Variants in WDR41 observed in about 807,000 individuals in gnomAD.
WDR41 encodes WD repeat-containing protein 41.
A neutral mutation model predicts 69.3 loss-of-function variants in WDR41; 63 were observed. The ratio of observed to expected loss-of-function variants is 0.91; its 90% CI spans 0.74 to 1.12. The LOEUF (loss-of-function observed/expected upper bound fraction) is 1.12, where lower values mean the gene tolerates loss of function less well. Among genes scored for constraint, WDR41 ranks in the 50% most tolerant of loss-of-function variants. The pLI is 0.00. For synonymous variants in WDR41, 185 were observed against 192.1 expected (o/e 0.96, Z 0.31); for missense variants, 543 against 534.5 (o/e 1.02, Z -0.16).
At chr5:77,532,017 G>C (rs1156537288) in intron 1 of WDR41, among the ~76,000 whole-genome samples, 1 of 151,968 alleles carries the variant, frequency 6.6e-6, no homozygotes, top group Non-Finnish European at 1.5e-5. Context: ...AAACATTTTA[G>C]AACTAGATAG....
chr5:77,539,822 T>G (rs17603636), intron 1 of WDR41, among the ~76,000 whole-genome samples: 15,692 of 152,196 alleles, frequency 0.1, 1,096 homozygotes, highest in South Asian at 0.25. Flanking sequence ...GATAGAAGGA[T>G]AATCACATAA....
chr5:77,482,103 T>A (rs1216010077), intron 2 of WDR41, among the ~76,000 whole-genome samples: 1 of 152,206 alleles, frequency 6.6e-6, no homozygotes, highest in Non-Finnish European at 1.5e-5. Context: ...AGAAGGGCAT[T>A]ATAATAAAAA....
At chr5:77,448,453 T>C (rs80192297) in intron 8 of WDR41, among the ~76,000 whole-genome samples, 5,557 of 152,212 alleles carry the variant, frequency 0.037, 116 homozygotes, top group Middle Eastern at 0.095. Flanking sequence ...ATTTTGGAGC[T>C]GGGAGGGACA....
rs771470166 is a variant in WDR41 at position 77,437,403 on chromosome 5, T to A, written c.1026A>T (p.Glu342Asp). The A allele has an allele frequency of 1.9e-6, 3 of 1,613,968 alleles. No homozygotes were observed. Among genetic ancestry groups the A allele is most frequent in the Non-Finnish European group, 2.5e-6 (3 of 1,179,914 alleles). The change falls in exon 11 of 13, where the codon GAA (glutamate) becomes GAT (aspartate). Residue 342 changes from glutamate (E) to aspartate (D), a missense_variant. By Grantham distance (45) the Glu-to-Asp change is conservative. Transcript: ENST00000296679. ...LPNRQLISCS[E>D]DGSVRIWELR... is the part of the protein sequence containing the mutation. ...ACTCCCAAATGCGTACACTGCCATC[T>A]TCTGAGCATGAGATTAACTGCCTGT...
intron 1 of WDR41, among the ~76,000 whole-genome samples, chr5:77,517,444 T>G (rs545305380): frequency 8.5e-5 from 13 of 152,280 alleles, no homozygotes; most frequent in African/African-American, 3.1e-4. Flanking sequence ...TTATTCTTGT[T>G]TAAATGCCCC....
chr5:77,510,874 C>T (rs181641206), intron 1 of WDR41, among the ~76,000 whole-genome samples: 194 of 147,882 alleles, frequency 1.3e-3, no homozygotes, highest in African/African-American at 4.3e-3. Flanking sequence ...CAGGTTCAAG[C>T]GATTCTCCTG....
At chr5:77,492,786 AC>A (rs138385465), upstream of WDR41, among the ~76,000 whole-genome samples, 8,107 of 152,276 alleles carry the variant, frequency 0.053, 687 homozygotes, top group African/African-American at 0.18. Context: ...AATCCGGCCA[AC>A]ATTTACTGTG....
chr5:77,458,325 T>C (rs908369583), intron 5 of WDR41, among the ~76,000 whole-genome samples: 4 of 152,070 alleles, frequency 2.6e-5, no homozygotes, highest in African/African-American at 4.8e-5. Flanking sequence ...ATTCTACCTA[T>C]TGGCACACAG....
At chr5:77,550,734 AT>A (rs1743280250) in intron 1 of WDR41, among the ~76,000 whole-genome samples, 1 of 152,176 alleles carries the variant, frequency 6.6e-6, no homozygotes, top group African/African-American at 2.4e-5. Context: ...CCATTACTGA[AT>A]TATAACCAAA....
At chr5:77,522,823 A>G (rs549080818) in intron 1 of WDR41, among the ~76,000 whole-genome samples, 1 of 152,320 alleles carries the variant, frequency 6.6e-6, no homozygotes, top group African/African-American at 2.4e-5. Flanking sequence ...TGTTTTGACC[A>G]GAAAGGAGCC....
At chr5:77,442,917 T>C (rs1235969666) in intron 8 of WDR41, among the ~76,000 whole-genome samples, 1 of 71,682 alleles carries the variant, frequency 1.4e-5, no homozygotes, top group South Asian at 4.8e-4. Context: ...AAAAAAAGGA[T>C]TTTTTTCCAT....
chr5:77,435,059 G>A (rs556418202), intron 12 of WDR41, among the ~76,000 whole-genome samples: 1 of 152,078 alleles, frequency 6.6e-6, no homozygotes, highest in Non-Finnish European at 1.5e-5. Context: ...CAGCGCTCCG[G>A]CCTAGCCAAG....
intron 1 of WDR41, among the ~76,000 whole-genome samples, chr5:77,505,721 G>C (rs528175991): frequency 2.0e-5 from 3 of 152,068 alleles, no homozygotes; most frequent in Non-Finnish European, 4.4e-5. Flanking sequence ...AGAGACCTCA[G>C]AAATAACACC....
At chr5:77,525,479 CTG>C (rs1802431906) in intron 1 of WDR41, among the ~76,000 whole-genome samples, 1 of 152,120 alleles carries the variant, frequency 6.6e-6, no homozygotes, top group Non-Finnish European at 1.5e-5. Flanking sequence ...GCAAACATAA[CTG>C]TACATAGTGG....
intron 2 of WDR41, among the ~76,000 whole-genome samples, chr5:77,479,826 A>G (rs1801137545): frequency 6.6e-6 from 1 of 151,934 alleles, no homozygotes; most frequent in Admixed American, 6.6e-5. Context: ...GACAAATGGG[A>G]TCTAATTAAA....
intron 1 of WDR41, among the ~76,000 whole-genome samples, chr5:77,612,236 C>T (rs1244108069): frequency 1.3e-5 from 2 of 152,198 alleles, no homozygotes; most frequent in East Asian, 1.9e-4. Flanking sequence ...GGTACCATTC[C>T]TTCTGAAACT....
intron 2 of WDR41, among the ~76,000 whole-genome samples, chr5:77,467,940 T>C (rs1191866864): frequency 6.6e-6 from 1 of 151,888 alleles, no homozygotes; most frequent in Non-Finnish European, 1.5e-5. Context: ...TCAGGTTTTT[T>C]CTTTAACTTA....
chr5:77,512,567 T>TGG (rs2112175550), intron 1 of WDR41, among the ~76,000 whole-genome samples: 1 of 151,794 alleles, frequency 6.6e-6, no homozygotes, highest in East Asian at 1.9e-4. Flanking sequence ...CTGGCCAATG[T>TGG]GGTGAAACCC....
chr5:77,434,688 T>A (rs1257844970), intron 12 of WDR41, among the ~76,000 whole-genome samples: 3 of 151,836 alleles, frequency 2.0e-5, no homozygotes, highest in Admixed American at 6.6e-5. Flanking sequence ...CAGAGTGAGA[T>A]GCTGTCTCAA....
Sources: allele counts gnomAD v4.1 joint callset (sites outside exome capture counted in the v4.1 genomes callset), GRCh38; gene constraint gnomAD v4.1.1; transcripts MANE v1.5; gene names NCBI Gene and HGNC (gene_info 2026-07-23, HGNC 2026-07-21).